Variants in CP observed in about 807,000 individuals in gnomAD.
CP encodes the protein caeruloplasmin.
In CP, 64 loss-of-function variants were observed where a neutral mutation model predicts 122.4. That is an observed-to-expected ratio of 0.52 (90% confidence interval 0.43 to 0.64). The LOEUF (loss-of-function observed/expected upper bound fraction) is 0.64. CP is among the 30% of genes least tolerant of loss of function. The pLI is 0.00. For missense variants in CP, 1,167 were observed against 1,284.4 expected, an observed-to-expected ratio of 0.91 and a Z score of 1.40; for synonymous variants, 440 against 436.4, an observed-to-expected ratio of 1.01 and a Z score of -0.10.
intron 14 of CP, 22 bp downstream of exon 14, chr3:149,181,983 C>CCA: frequency 1.8e-6 from 1 of 547,184 alleles, no homozygotes; most frequent in East Asian, 5.6e-5. Flanking sequence ...TGCACCACCC[C>CCA]CACCCCCGCC....
At chr3:149,172,097 A>G, downstream of CP, 2 of 1,613,042 alleles carry the variant, frequency 1.2e-6, no homozygotes, top group Non-Finnish European at 8.5e-7. Flanking sequence ...CTACACAGAA[A>G]CATTGTCAAT....
intron 3 of CP, 32 bp downstream of exon 3, chr3:149,210,135 C>T (rs368570409): frequency 2.7e-5 from 43 of 1,603,282 alleles, no homozygotes; most frequent in Middle Eastern, 1.7e-4. Flanking sequence ...GTCTTTTGGT[C>T]ATATAGCATG....
downstream of CP, chr3:149,172,280 T>G (rs1725073409): frequency 6.8e-7 from 1 of 1,464,054 alleles, no homozygotes; most frequent in African/African-American, 1.4e-5. Flanking sequence ...AAAAATTGAA[T>G]GCCAAAGTAC....
chr3:149,219,428 A>T (rs991269559), intron 1 of CP, among the ~76,000 whole-genome samples: 6 of 152,212 alleles, frequency 3.9e-5, no homozygotes, highest in African/African-American at 1.4e-4. Flanking sequence ...TAACTGAATC[A>T]TGGATGTGGT....
intron 9 of CP, among the ~76,000 whole-genome samples, chr3:149,190,931 T>C (rs2108252215): frequency 6.6e-6 from 1 of 152,308 alleles, no homozygotes; most frequent in East Asian, 1.9e-4. Flanking sequence ...CCCACCAATA[T>C]ATTAAAGAAA....
At chr3:149,212,367 G>A in intron 2 of CP, 84 bp downstream of exon 2, 1 of 1,477,292 alleles carries the variant, frequency 6.8e-7, no homozygotes, top group Non-Finnish European at 9.4e-7. Flanking sequence ...GTCTTATCCA[G>A]GAGAGAAGTC....
rs1235022791 is a variant in CP at position 149,176,372 on chromosome 3, G to C, written c.3059C>G (p.Pro1020Arg). 6.2e-7 allele frequency: 1 copy of C among 1,612,876 alleles called. No individual in the cohort carries two copies. Among genetic ancestry groups the C allele is most frequent in the Non-Finnish European group, 8.5e-7 (1 of 1,179,118 alleles). Reference protein sequence around the residue: ...VYSSDVFDIFPGTYQTLEMFP... With the variant: ...VYSSDVFDIFRGTYQTLEMFP... ...CATTTCTAGGGTTTGGTATGTTCCA[G>C]GGAAAATGTCAAAGACATCAGAACT... The change falls in exon 18 of 19, where the codon CCT becomes CGT. Residue 1020 changes from proline (P) to arginine (R), a missense_variant. Transcript: ENST00000264613.
At chr3:149,198,668 C>T in intron 8 of CP, 90 bp from the exon 9 acceptor site, 1 of 1,061,380 alleles carries the variant, frequency 9.4e-7, no homozygotes, top group Non-Finnish European at 1.4e-6. Flanking sequence ...TCTAGAATAG[C>T]CCACTTCTGA....
chr3:149,181,973 T>A, intron 14 of CP, 32 bp downstream of exon 14: 1 of 1,375,574 alleles, frequency 7.3e-7, no homozygotes, highest in Non-Finnish European at 1.0e-6. Flanking sequence ...CCTGTTAAAA[T>A]GCACCACCCC....
chr3:149,186,588 TCTC>T lies in CP; in HGVS notation c.2006_2008del (p.Gly669del). The T allele has an allele frequency of 6.2e-6, 10 of 1,614,134 alleles. No individual in the cohort carries two copies. Among genetic ancestry groups the T allele is most frequent in the Non-Finnish European group, 8.5e-6 (10 of 1,180,016 alleles). Reference sequence around the variant, plus strand: ...GAAGAGGTTTGCTGTGTCTCTCCGTTCTCCTCTCCACAGATATGTGTTTCCTGA... The same window carrying T: ...GAAGAGGTTTGCTGTGTCTCTCCGTTCTCTCCACAGATATGTGTTTCCTGA... On this transcript the variant is annotated inframe_deletion, in exon 11 of 19. Transcript: ENST00000264613.
At chr3:149,186,789 C>G in intron 10 of CP, 57 bp from the exon 11 acceptor site, 4 of 1,517,648 alleles carry the variant, frequency 2.6e-6, no homozygotes, top group Non-Finnish European at 3.7e-6. Flanking sequence ...TACATGACAA[C>G]CTCACAGACT....
At chr3:149,183,402 A>T in intron 13 of CP, 64 bp downstream of exon 13, 2 of 1,540,152 alleles carry the variant, frequency 1.3e-6, no homozygotes, top group African/African-American at 2.7e-5. Context: ...ACATGAATTG[A>T]CGGTTACTGC....
intron 14 of CP, 32 bp downstream of exon 14, chr3:149,181,973 T>TGCGGGGGGGGGGGGGGGGGGG: frequency 7.3e-7 from 1 of 1,375,574 alleles, no homozygotes; most frequent in Non-Finnish European, 1.0e-6. Flanking sequence ...CCTGTTAAAA[T>TGCGGGGGGGGGGGGGGGGGGG]GCACCACCCC....
At chr3:149,195,696 T>C (rs1258163557) in intron 9 of CP, among the ~76,000 whole-genome samples, 1 of 152,080 alleles carries the variant, frequency 6.6e-6, no homozygotes, top group African/African-American at 2.4e-5. Context: ...AACCCGTCTC[T>C]ACTAAAAATA....
chr3:149,175,403 A>G (rs1448924777), intron 18 of CP, among the ~76,000 whole-genome samples: 1 of 152,168 alleles, frequency 6.6e-6, no homozygotes, highest in African/African-American at 2.4e-5. Flanking sequence ...AAAACTTTCC[A>G]TTTGCACTAA....
chr3:149,212,402 C>T (rs369104325), intron 2 of CP, 49 bp downstream of exon 2: 398 of 1,610,122 alleles, frequency 2.5e-4, no homozygotes, highest in Non-Finnish European at 3.2e-4. Flanking sequence ...CTAAAAGGCA[C>T]TTCTACTGAA....
intron 9 of CP, among the ~76,000 whole-genome samples, chr3:149,191,365 G>A (rs2108253371): frequency 6.7e-6 from 1 of 149,410 alleles, no homozygotes; most frequent in Non-Finnish European, 1.5e-5. Context: ...ATATACACTA[G>A]AATAAAAACC....
In CP at chr3:149,207,451, G is replaced by A. The variant is rs1176498598; in HGVS notation, c.948C>T (p.Leu316=). The change falls in exon 5 of 19, where the codon CTC becomes CTT. Residue 316 remains leucine (L), a synonymous_variant. Transcript: ENST00000264613. ...AAGCATCAAACAGGGTAGCAGGAAA[G>A]AGGTTGATTGTGTCAATACGGTAGT... ...NKNYRIDTIN[L]FPATLFDAYM... 1.2e-6 allele frequency: 2 copies of A among 1,613,914 alleles called. No homozygotes were observed. The highest frequency in any genetic ancestry group is 2.2e-5 in the East Asian group (1 of 44,886).
intron 17 of CP, 86 bp downstream of exon 17, chr3:149,177,754 A>G (rs1228507241): frequency 6.9e-7 from 1 of 1,458,894 alleles, no homozygotes; most frequent in Non-Finnish European, 9.6e-7. Flanking sequence ...GCTTTTTTTC[A>G]TAAGTCTCTC....
Sources: allele counts gnomAD v4.1 joint callset (sites outside exome capture counted in the v4.1 genomes callset), GRCh38; gene constraint gnomAD v4.1.1; transcripts MANE v1.5; gene names NCBI Gene and HGNC (gene_info 2026-07-23, HGNC 2026-07-21).